The following DAP3 variants were observed in gnomAD, a reference collection of about 807,000 sequenced individuals.
DAP3 encodes small ribosomal subunit protein mS29.
A neutral mutation model predicts 51.9 loss-of-function variants in DAP3; 28 were observed. That is an observed-to-expected ratio of 0.54 (90% CI 0.40 to 0.74). The LOEUF (loss-of-function observed/expected upper bound fraction) is 0.74, where lower values mean the gene tolerates loss of function less well. Among genes scored for constraint, DAP3 ranks in the 30% least tolerant of loss-of-function variants. The pLI is 0.00. For missense variants in DAP3, 458 were observed against 483.5 expected (o/e 0.95, Z 0.49); for synonymous variants, 170 against 170.3 (o/e 1.00, Z 0.01).
At chr1:155,721,195 G>A (rs559773792) in intron 3 of DAP3, among the ~76,000 whole-genome samples, 2 of 151,844 alleles carry the variant, frequency 1.3e-5, no homozygotes, top group South Asian at 2.1e-4. Context: ...AATTAGCCGG[G>A]TGCGGTGGCA....
intron 1 of DAP3, among the ~76,000 whole-genome samples, chr1:155,691,108 C>T (rs1311975798): frequency 2.1e-5 from 3 of 141,708 alleles, no homozygotes; most frequent in Admixed American, 6.6e-5. Context: ...GGGGTTTCAC[C>T]GTGTTAGCCA....
At chr1:155,720,110 C>T (rs545799968) in intron 3 of DAP3, among the ~76,000 whole-genome samples, 2 of 147,956 alleles carry the variant, frequency 1.4e-5, no homozygotes, top group East Asian at 4.2e-4. Flanking sequence ...ATCACTTGAG[C>T]TCAGGAGTTC....
At chr1:155,727,019 G>A (rs2149188374) in intron 6 of DAP3, 1 of 152,076 alleles carries the variant, frequency 6.6e-6, no homozygotes, top group South Asian at 2.1e-4. Context: ...GGTCGCCATG[G>A]AGTTTTGTTT....
chr1:155,717,113 C>T lies in DAP3; in HGVS notation c.153C>T (p.Thr51=), dbSNP rs375876872. 58 of 1,613,936 alleles carry T rather than the reference C, an allele frequency of 3.6e-5. No individual in the cohort carries two copies. Among genetic ancestry groups the T allele is most frequent in the Non-Finnish European group, 4.2e-5 (49 of 1,180,012 alleles). ...PVESPRAISR[T]NENDPAKHGD... Reference sequence around the variant, plus strand: ...AGAGTCCGAGAGCTATTTCCCGCACCAATGAGAATGACCCGGTGAGTTACT... The same window carrying T: ...AGAGTCCGAGAGCTATTTCCCGCACTAATGAGAATGACCCGGTGAGTTACT... Residue 51 remains threonine (T), a synonymous_variant, in exon 3 of 13, where the codon ACC becomes ACT. Transcript: ENST00000368336.
intron 2 of DAP3, among the ~76,000 whole-genome samples, chr1:155,714,431 T>C (rs372597460): frequency 1.7e-4 from 26 of 152,176 alleles, no homozygotes; most frequent in African/African-American, 6.3e-4. Flanking sequence ...CTATGAACGA[T>C]GAAAAAATCA....
upstream of DAP3, chr1:155,687,995 G>A: frequency 3.4e-6 from 5 of 1,454,440 alleles, no homozygotes; most frequent in South Asian, 6.7e-5. Context: ...AGATGACAGT[G>A]GCTCCCAGAA....
chr1:155,735,081 G>A (rs1659618286), intron 11 of DAP3, among the ~76,000 whole-genome samples: 1 of 148,532 alleles, frequency 6.7e-6, no homozygotes, highest in Non-Finnish European at 1.5e-5. Context: ...TGGCCAACAT[G>A]GTGAAACCCC....
Position 155,703,814 on chromosome 1 carries a change from G to T in DAP3, c.-7-5959G>T, listed in dbSNP as rs547859462. On this transcript the variant is annotated intron_variant, in intron 1 of 12. Transcript: ENST00000368336. ...GGCATCCCAGAGTGCTGGGATTACA[G>T]GTGTGAGCCACTGCGCCTGACCTAG... Among the ~76,000 whole-genome samples the T allele has an allele frequency of 4.6e-5, 7 of 152,364 alleles. 1 individual carries two copies. The South Asian group carries it at 1.4e-3, about 32-fold the overall frequency.
At chr1:155,717,718 C>T (rs1224967698) in intron 3 of DAP3, among the ~76,000 whole-genome samples, 2 of 152,188 alleles carry the variant, frequency 1.3e-5, no homozygotes, top group African/African-American at 4.8e-5. Flanking sequence ...CCCAATTTTT[C>T]TAATAACCAA....
chr1:155,737,143 C>G, intron 12 of DAP3, 80 bp downstream of exon 12: 1 of 968,104 alleles, frequency 1.0e-6, no homozygotes, highest in Admixed American at 2.0e-5. Flanking sequence ...ATCTCTTCTT[C>G]CCTTAACAAC....
At position 155,723,672 on chromosome 1, in the gene DAP3, G is replaced by C. The variant is rs1229877464; in HGVS notation, c.271-1710G>C. ...TTTATCATGTTTTTTTGAACATTGAGCCTTCCATTAAGTTTGGAATTGCCT... is the reference window on the plus strand; with the variant it reads ...TTTATCATGTTTTTTTGAACATTGACCCTTCCATTAAGTTTGGAATTGCCT... On this transcript the variant is annotated intron_variant, in intron 4 of 12. Transcript: ENST00000368336. 2.0e-5 allele frequency among the ~76,000 whole-genome samples: 3 copies of C among 152,086 alleles called. No homozygotes were observed. In the East Asian group the frequency reaches 5.8e-4, roughly 29 times the overall value.
intron 2 of DAP3, among the ~76,000 whole-genome samples, chr1:155,714,257 G>T (rs189854289): frequency 6.6e-6 from 1 of 152,090 alleles, no homozygotes; most frequent in African/African-American, 2.4e-5. Context: ...TTATTGTCGG[G>T]GTCTCACTGT....
chr1:155,733,743 A>G (rs1659481634), intron 11 of DAP3, among the ~76,000 whole-genome samples: 1 of 152,168 alleles, frequency 6.6e-6, no homozygotes, highest in African/African-American at 2.4e-5. Flanking sequence ...AGGCTGAGGC[A>G]GAAGAATCGG....
chr1:155,716,764 G>A (rs1571506276), intron 2 of DAP3, among the ~76,000 whole-genome samples: 1 of 151,452 alleles, frequency 6.6e-6, no homozygotes, highest in East Asian at 1.9e-4. Flanking sequence ...TGGCCCATAT[G>A]GTGAAATCTT....
chr1:155,735,378 C>G (rs533995155), intron 11 of DAP3, among the ~76,000 whole-genome samples: 1 of 152,186 alleles, frequency 6.6e-6, no homozygotes, highest in South Asian at 2.1e-4. Context: ...GAGTTCAAGA[C>G]CAGCCTGGCC....
At chr1:155,715,304 G>A (rs1477254658) in intron 2 of DAP3, among the ~76,000 whole-genome samples, 3 of 151,110 alleles carry the variant, frequency 2.0e-5, no homozygotes, top group African/African-American at 4.9e-5. Flanking sequence ...GGAGGATCGC[G>A]TGAGTGCAGC....
intron 1 of DAP3, among the ~76,000 whole-genome samples, chr1:155,707,879 G>A (rs1656197822): frequency 6.6e-6 from 1 of 152,124 alleles, no homozygotes; most frequent in Non-Finnish European, 1.5e-5. Context: ...GTTGATGCAT[G>A]CAATGGTAAT....
intron 6 of DAP3, chr1:155,726,375 G>A (rs189242524): frequency 9.5e-4 from 144 of 150,996 alleles, no homozygotes; most frequent in Non-Finnish European, 1.7e-3. Context: ...TGCAAGCTCC[G>A]CCTCCCGGGT....
rs377260219 is a variant in DAP3 at position 155,732,511 on chromosome 1, G to A, written c.993+478G>A. The stretch of plus-strand genomic sequence containing the variant: ...CTCCCAAAGTGCTAGGATTATAGGC[G>A]TGAGCCACGGCGCCTGGCCTTGATG... On this transcript the variant is annotated intron_variant, in intron 11 of 12. Coordinates refer to ENST00000368336, the MANE Select transcript of DAP3 (RefSeq NM_004632.4). 3.0e-4 allele frequency among the ~76,000 whole-genome samples: 46 copies of A among 152,138 alleles called. No individual in the cohort carries two copies. The South Asian group carries it at 4.8e-3, about 16-fold the overall frequency.
Sources: gnomAD v4.1 joint callset for allele counts (sites outside exome capture counted in the v4.1 genomes callset) on GRCh38, gnomAD v4.1.1 for gene constraint, MANE v1.5 for transcripts, NCBI Gene and HGNC (gene_info 2026-07-23, HGNC 2026-07-21) for gene names.